DNAH8: variants seen among roughly 807,000 people sequenced by gnomAD.
The protein encoded by DNAH8 is dynein axonemal heavy chain 8.
Under a neutral mutation model 562.1 loss-of-function variants are expected in DNAH8, and 382 were observed. That is an observed-to-expected ratio of 0.68 (90% confidence interval 0.63 to 0.74). The LOEUF (loss-of-function observed/expected upper bound fraction) is 0.74. Among genes scored for constraint, DNAH8 ranks in the 30% least tolerant of loss-of-function variants. The pLI is 0.00. For synonymous variants in DNAH8, 1,881 were observed against 1,919.4 expected (o/e 0.98, Z 0.52); for missense variants, 5,203 against 5,620.4 (o/e 0.93, Z 2.37).
At position 38,723,171 on chromosome 6, in the gene DNAH8, A is replaced by T; in HGVS notation, c.362A>T (p.Asn121Ile). Reference protein sequence around the residue: ...RYRRSMSGLPNLQETLKERQA... With the variant: ...RYRRSMSGLPILQETLKERQA... ...CGCCGGAGTATGAGTGGCCTTCCCA[A>T]TCTACAGGAAACATTAAAAGAGAGA... Residue 121 changes from asparagine to isoleucine, a missense_variant, in exon 2 of 93, where the codon AAT becomes ATT. Asn to Ile is a moderately radical substitution (Grantham distance 149). Around this residue, in one of 6 missense-constraint regions of DNAH8, gnomAD observed 556 missense variants for 496.9 expected, o/e 1.12. Transcript: ENST00000327475. 2 of 1,611,776 alleles carry T rather than the reference A, an allele frequency of 1.2e-6. No individual in the cohort carries two copies. Among genetic ancestry groups the T allele is most frequent in the Non-Finnish European group, 1.7e-6 (2 of 1,179,672 alleles).
chr6:38,748,766 A>ATAATAATAG (rs1424046979), intron 8 of DNAH8, among the ~76,000 whole-genome samples: 4 of 147,422 alleles, frequency 2.7e-5, no homozygotes, highest in African/African-American at 9.9e-5. Flanking sequence ...AATAATAATA[A>ATAATAATAG]TAATAATAAT....
chr6:38,945,587 A>G lies in DNAH8; in HGVS notation c.12128A>G (p.Gln4043Arg). ...CCACAATTTGCAGAAATTATGAACC[A>G]GGTAATACAATAAAGGGCTGGTTGA... ...KLPQFAEIMNQISRNEKGWKS... is the reference protein window; with the variant it reads ...KLPQFAEIMNRISRNEKGWKS... Residue 4043 changes from glutamine (Q) to arginine (R), a missense_variant and splice_region_variant, in exon 80 of 93, where the codon CAG becomes CGG. Gln to Arg is a conservative substitution (Grantham distance 43, BLOSUM62 1). Coordinates refer to ENST00000327475, the MANE Select transcript of DNAH8 (RefSeq NM_001206927.2). The G allele has an allele frequency of 6.2e-7, 1 of 1,614,008 alleles. No homozygotes were observed. Among genetic ancestry groups the G allele is most frequent in the Non-Finnish European group, 8.5e-7 (1 of 1,179,928 alleles).
At chr6:38,892,924 G>A (rs774508310) in intron 58 of DNAH8, among the ~76,000 whole-genome samples, 12 of 152,112 alleles carry the variant, frequency 7.9e-5, no homozygotes, top group African/African-American at 2.4e-4. Flanking sequence ...CCTTCAGAGC[G>A]ACTGTTCCAA....
chr6:39,003,415 C>G (rs1168391360), intron 88 of DNAH8, among the ~76,000 whole-genome samples: 1 of 152,118 alleles, frequency 6.6e-6, no homozygotes, highest in Admixed American at 6.6e-5. Context: ...GTTTTTCAAA[C>G]TGAAAATGAT....
intron 33 of DNAH8, among the ~76,000 whole-genome samples, chr6:38,838,961 A>G (rs973104879): frequency 1.3e-5 from 2 of 152,240 alleles, no homozygotes; most frequent in Non-Finnish European, 2.9e-5. Flanking sequence ...CAAAGCCACA[A>G]CGTGAAAATT....
At chr6:38,765,258 A>G (rs1766888420) in intron 11 of DNAH8, among the ~76,000 whole-genome samples, 1 of 152,216 alleles carries the variant, frequency 6.6e-6, no homozygotes, top group African/African-American at 2.4e-5. Context: ...CTTCCAGTCT[A>G]GAGGTTGTCT....
At chr6:38,838,069 A>G (rs970820231) in intron 33 of DNAH8, 27 bp downstream of exon 33, 2 of 1,402,090 alleles carry the variant, frequency 1.4e-6, no homozygotes, top group Non-Finnish European at 2.0e-6. Context: ...AGCAAGTATT[A>G]CATGCAAATA....
intron 17 of DNAH8, among the ~76,000 whole-genome samples, chr6:38,783,952 G>C (rs1055754443): frequency 6.6e-6 from 1 of 152,198 alleles, no homozygotes. Context: ...CTGCAGGTGG[G>C]TTGCTGGAAC....
chr6:38,770,743 C>A (rs567568568), intron 12 of DNAH8, among the ~76,000 whole-genome samples, 184 bp downstream of exon 12: 2 of 152,252 alleles, frequency 1.3e-5, no homozygotes, highest in East Asian at 3.9e-4. Context: ...CTGGTTACTG[C>A]CTTCTGCCAG....
rs544343644 is a variant in DNAH8, at chr6:38,924,702, TG to T, written c.10962+541del. ...AAAGATCATTTGAGAGATATCAGCT[TG>T]CTAATACTGGGCCCTTCTTATAACT... On this transcript the variant is annotated intron_variant, in intron 73 of 92. Coordinates refer to ENST00000327475, the MANE Select transcript of DNAH8 (RefSeq NM_001206927.2). Among the ~76,000 whole-genome samples the T allele has an allele frequency of 4.4e-4, 67 of 152,328 alleles. No individual in the cohort carries two copies. In the East Asian group the frequency reaches 0.011, roughly 25 times the overall value.
chr6:38,922,370 C>T (rs1301527602), intron 71 of DNAH8, among the ~76,000 whole-genome samples: 1 of 151,946 alleles, frequency 6.6e-6, no homozygotes, highest in Non-Finnish European at 1.5e-5. Context: ...TGTAACGTCA[C>T]TGAGCACAGA....
At chr6:39,017,500 TG>T (rs1766641440) in intron 91 of DNAH8, among the ~76,000 whole-genome samples, 1 of 152,210 alleles carries the variant, frequency 6.6e-6, no homozygotes. Context: ...GCTAATGAAA[TG>T]GAGGCAGAGG....
chr6:38,982,315 G>A (rs766252483), intron 85 of DNAH8, 31 bp from the exon 86 acceptor site: 1 of 929,554 alleles, frequency 1.1e-6, no homozygotes, highest in Non-Finnish European at 1.8e-6. Flanking sequence ...TCAGGTACAT[G>A]CAATACTTAC....
chr6:38,966,314 G>A (rs1762967009), intron 82 of DNAH8, among the ~76,000 whole-genome samples: 1 of 152,166 alleles, frequency 6.6e-6, no homozygotes, highest in South Asian at 2.1e-4. Flanking sequence ...TCTGAATAGA[G>A]CCATAAGAAG....
chr6:38,880,310 C>T (rs531555765), intron 53 of DNAH8, among the ~76,000 whole-genome samples: 16 of 152,036 alleles, frequency 1.1e-4, no homozygotes, highest in Non-Finnish European at 1.3e-4. Flanking sequence ...TAATAAAATA[C>T]GTGTAAGATC....
At chr6:39,021,753 C>A (rs1766931105) in intron 91 of DNAH8, among the ~76,000 whole-genome samples, 1 of 152,206 alleles carries the variant, frequency 6.6e-6, no homozygotes, top group Admixed American at 6.5e-5. Flanking sequence ...AAATACTGCA[C>A]AGCCTAAGGC....
chr6:38,984,469 T>C (rs1449079826), intron 87 of DNAH8, 162 bp downstream of exon 87: 16 of 542,596 alleles, frequency 2.9e-5, no homozygotes, highest in African/African-American at 7.6e-5. Context: ...CGCACACACA[T>C]GCACACACAC....
At chr6:38,895,270 T>C (rs1779602367) in intron 59 of DNAH8, among the ~76,000 whole-genome samples, 2 of 152,056 alleles carry the variant, frequency 1.3e-5, no homozygotes, top group South Asian at 4.2e-4. Context: ...CTAGGATAAG[T>C]AGAGTAAGGA....
chr6:38,818,537 C>CAAAAGCAAAAA (rs1772497815), intron 26 of DNAH8, among the ~76,000 whole-genome samples: 2 of 75,884 alleles, frequency 2.6e-5, no homozygotes, highest in African/African-American at 1.2e-4. Flanking sequence ...AAAGCAAAAG[C>CAAAAGCAAAAA]AAAAAAAAAA....
Sources: gnomAD v4.1 joint callset for allele counts (sites outside exome capture counted in the v4.1 genomes callset) on GRCh38, gnomAD v4.1.1 for gene constraint, gnomAD v4.1.1 regional missense constraint, MANE v1.5 for transcripts, NCBI Gene and HGNC (gene_info 2026-07-23, HGNC 2026-07-21) for gene names.